Variants in MYH9 observed in about 807,000 individuals in gnomAD.
MYH9 encodes myosin-9.
Under a neutral mutation model 241.9 loss-of-function variants are expected in MYH9, and 29 were observed. That is an observed-to-expected ratio of 0.12 (90% confidence interval 0.09 to 0.16). The LOEUF (loss-of-function observed/expected upper bound fraction) is 0.16, where lower values mean the gene tolerates loss of function less well. Ranked by LOEUF, MYH9 falls within the 10% of genes least tolerant of loss-of-function variation. MYH9 has a pLI of 1.00. For missense variants in MYH9, 1,803 were observed against 2,595.5 expected (o/e 0.69, Z 6.63); for synonymous variants, 1,047 against 1,062.6 (o/e 0.99, Z 0.29).
In MYH9 at chr22:36,296,998, C is replaced by A; in HGVS notation, c.3117G>T (p.Glu1039Asp). 6.2e-7 allele frequency: 1 copy of A among 1,614,100 alleles called. No homozygotes were observed. The highest frequency in any genetic ancestry group is 8.5e-7 in the Non-Finnish European group (1 of 1,180,036). Reference protein sequence around the residue: ...ITDLEERLRREEKQRQELEKT... With the variant: ...ITDLEERLRRDEKQRQELEKT... ...TCTCCAGCTCCTGTCGCTGCTTCTC[C>A]TCCCTGCGGAGGCGCTCTGCAATGC... The change falls in exon 25 of 41, where the codon GAG (glutamate) becomes GAT (aspartate). Residue 1039 changes from glutamate to aspartate, a missense_variant. Coordinates refer to ENST00000216181, the MANE Select transcript of MYH9 (RefSeq NM_002473.6).
chr22:36,297,298 G>C (rs2016803896), intron 24 of MYH9: 1 of 476,506 alleles, frequency 2.1e-6, no homozygotes, highest in Non-Finnish European at 3.8e-6. Flanking sequence ...TCCCTTGAAG[G>C]CTGTACCATG....
At chr22:36,312,287 A>C in intron 13 of MYH9, 65 bp from the exon 14 acceptor site, 1 of 1,566,476 alleles carries the variant, frequency 6.4e-7, no homozygotes, top group South Asian at 1.1e-5. Context: ...CCCTTCAAGA[A>C]GCCAAAGCCC....
chr22:36,320,403 T>C lies in MYH9; in HGVS notation c.869-40A>G. On this transcript the variant is annotated intron_variant, in intron 8 of 40. Coordinates refer to ENST00000216181, the MANE Select transcript of MYH9 (RefSeq NM_002473.6). The surrounding 1 kb of genome is among the most constrained non-coding windows in gnomAD (Gnocchi z 4.8). ...GGGCAAGGGCGCCTCAGCGAGGTGC[T>C]GAAAGTGGAGGCTCCATCAGCGCTG... The C allele has an allele frequency of 6.2e-7, 1 of 1,607,926 alleles. No homozygotes were observed. The highest frequency in any genetic ancestry group is 8.5e-7 in the Non-Finnish European group (1 of 1,179,826).
Position 36,285,810 on chromosome 22 carries a change from C to T in MYH9, c.5151-29G>A, listed in dbSNP as rs2016570050. The T allele has an allele frequency of 1.2e-6, 2 of 1,612,356 alleles. No homozygotes were observed. The highest frequency in any genetic ancestry group is 2.7e-5 in the African/African-American group (2 of 74,900). ...CGGGGTGGGCGGGAGAAGTGAGGGG[C>T]CTACCCTGGGGACACACCTGGTCCC... On this transcript the variant is annotated intron_variant, in intron 36 of 40. Transcript: ENST00000216181. The surrounding 1 kb of genome is among the most constrained non-coding windows in gnomAD (Gnocchi z 7.0).
chr22:36,313,640 T>C (rs141023027), intron 13 of MYH9, among the ~76,000 whole-genome samples: 181 of 140,390 alleles, frequency 1.3e-3, no homozygotes, highest in African/African-American at 3.9e-3. Flanking sequence ...ATGCTGGCGA[T>C]AAAAGCACTG....
At chr22:36,282,987 CA>C (rs1296866681) in intron 40 of MYH9, among the ~76,000 whole-genome samples, 1 of 152,172 alleles carries the variant, frequency 6.6e-6, no homozygotes, top group Non-Finnish European at 1.5e-5. Flanking sequence ...AAGCTTCCCG[CA>C]AAATGTTTAG....
chr22:36,326,734 C>A lies in MYH9; in HGVS notation c.519-73G>T, dbSNP rs149872920. 10 of 1,263,196 alleles carry A rather than the reference C, an allele frequency of 7.9e-6. No individual in the cohort carries two copies. The South Asian group carries it at 1.2e-4, about 15-fold the overall frequency. 78.2% of individuals were successfully genotyped at this position (1,263,196 alleles called of 1,614,324 possible). ...TTGACCTCTGTCCCTTCCCACTGCA[C>A]GCTCCACTGCCTCGCATTCTGTTGG... is the stretch of plus-strand genomic sequence containing the variant. On this transcript the variant is annotated intron_variant, in intron 4 of 40. Coordinates refer to ENST00000216181, the MANE Select transcript of MYH9 (RefSeq NM_002473.6).
In MYH9 at chr22:36,296,946, A is replaced by C; in HGVS notation, c.3169T>G (p.Ser1057Ala). ...GCGATCTGGTCGCTGAGGTCTGTGG[A>C]GTCTCCCTCCAGCTTCCGGCGGGTC... ...EKTRRKLEGD[S>A]TDLSDQIAEL... Residue 1057 changes from serine to alanine, a missense_variant, in exon 25 of 41, where the codon TCC (serine) becomes GCC (alanine). Ser to Ala is a moderately conservative substitution (Grantham distance 99). Around this residue, in one of 11 missense-constraint regions of MYH9, gnomAD observed 290 missense variants for 360.5 expected, o/e 0.80. Transcript: ENST00000216181. 1 of 1,614,062 alleles carries C rather than the reference A, an allele frequency of 6.2e-7. No homozygotes were observed. The highest frequency in any genetic ancestry group is 8.5e-7 in the Non-Finnish European group (1 of 1,179,998).
rs774335633 is a variant in MYH9 at position 36,309,407 on chromosome 22, C to T, written c.1729-11G>A. On this transcript the variant is annotated splice_polypyrimidine_tract_variant and intron_variant, in intron 14 of 40. Coordinates refer to ENST00000216181, the MANE Select transcript of MYH9 (RefSeq NM_002473.6). ...AGCTTTGTAATCCACCTGGCGGGGTCAGAGAGGCAGGAGTCACAAGCTGCG... is the reference window on the plus strand; with the variant it reads ...AGCTTTGTAATCCACCTGGCGGGGTTAGAGAGGCAGGAGTCACAAGCTGCG... 2.7e-5 allele frequency: 43 copies of T among 1,607,424 alleles called. No individual in the cohort carries two copies. In the South Asian group the frequency reaches 4.6e-4, roughly 17 times the overall value.
At position 36,341,247 on chromosome 22, in the gene MYH9, T is replaced by C. The variant is rs537367681; in HGVS notation, c.490+123A>G. The C allele has an allele frequency of 5.6e-5, 70 of 1,239,658 alleles. 1 individual carries two copies. The African/African-American group carries it at 9.6e-4, about 17-fold the overall frequency. The allele number at this position is 1,239,658 out of a possible 1,614,324, so 76.8% of individuals were successfully genotyped here. ...TACAGAGGTCTACAGACCTCCATGA[T>C]GCACTGCCCATCACCAGCCACTAGA... On this transcript the variant is annotated intron_variant, in intron 3 of 40. Transcript: ENST00000216181.
At chr22:36,317,682 G>C (rs1296800929) in intron 11 of MYH9, among the ~76,000 whole-genome samples, 1 of 152,232 alleles carries the variant, frequency 6.6e-6, no homozygotes, top group African/African-American at 2.4e-5. Flanking sequence ...GCAGAAAGCG[G>C]TCCGCACTGG....
Position 36,332,661 on chromosome 22 carries a change from TAAAAAAAAAAA to T in MYH9, c.491-5184_491-5174del, listed in dbSNP as rs67602880. Reference sequence around the variant, plus strand: ...TCCCCCTCCAGACACTCTGGATAATTAAAAAAAAAAAAAAAAAAAAAAAAAAAAACCTCAAG... The same window carrying T: ...TCCCCCTCCAGACACTCTGGATAATTAAAAAAAAAAAAAAAAAACCTCAAG... On this transcript the variant is annotated intron_variant, in intron 3 of 40. Coordinates refer to ENST00000216181, the MANE Select transcript of MYH9 (RefSeq NM_002473.6). Among the ~76,000 whole-genome samples, 21 of 44,510 alleles carry T rather than the reference TAAAAAAAAAAA, an allele frequency of 4.7e-4. 1 individual carries two copies. The highest frequency in any genetic ancestry group is 0.062 in the Middle Eastern group (2 of 32). 29.2% of individuals were successfully genotyped at this position (44,510 alleles called of 152,430 possible).
At position 36,384,562 on chromosome 22, in the gene MYH9, G is replaced by A. The variant is rs567886691; in HGVS notation, c.-20+3245C>T. ...CACGCCATTGCACTCTAGCCTGGGC[G>A]ACAGAGCAAGACTCTGTCTCAAAAA... is the stretch of plus-strand genomic sequence containing the variant. On this transcript the variant is annotated intron_variant, in intron 1 of 40. Transcript: ENST00000216181. Among the ~76,000 whole-genome samples, 27 of 100,928 alleles carry A rather than the reference G, an allele frequency of 2.7e-4. No homozygotes were observed. In the South Asian group the frequency reaches 7.6e-3, roughly 28 times the overall value. 66.2% of individuals were successfully genotyped at this position (100,928 alleles called of 152,430 possible).
chr22:36,283,406 G>C (rs1182313812), intron 40 of MYH9, among the ~76,000 whole-genome samples: 1 of 151,862 alleles, frequency 6.6e-6, no homozygotes, highest in East Asian at 1.9e-4. Context: ...GCATAGTGGT[G>C]CATGCCTGTA....
At chr22:36,358,794 CAAATTCA>C (rs2017894573) in intron 1 of MYH9, among the ~76,000 whole-genome samples, 1 of 152,212 alleles carries the variant, frequency 6.6e-6, no homozygotes, top group South Asian at 2.1e-4. Context: ...TGATGACTCA[CAAATTCA>C]AATTCCTATT....
At chr22:36,284,008 C>T (rs1055459508) in intron 40 of MYH9, 85 bp downstream of exon 40, 2 of 1,531,436 alleles carry the variant, frequency 1.3e-6, no homozygotes, top group Admixed American at 1.7e-5. Context: ...GACATTCGTG[C>T]CTTGCTTGTG....
intron 2 of MYH9, among the ~76,000 whole-genome samples, chr22:36,342,536 C>T (rs942025703): frequency 4.6e-5 from 7 of 152,056 alleles, no homozygotes; most frequent in African/African-American, 1.2e-4. Context: ...TGACTACCTC[C>T]GTGTCTTCAG....
At chr22:36,292,847 C>A (rs2016728476) in intron 30 of MYH9, among the ~76,000 whole-genome samples, 2 of 152,224 alleles carry the variant, frequency 1.3e-5, no homozygotes, top group Non-Finnish European at 2.9e-5. Context: ...ATCAGCAGGG[C>A]AACCAGTACA....
chr22:36,287,796 A>G (rs2016613255), intron 34 of MYH9, among the ~76,000 whole-genome samples: 2 of 152,240 alleles, frequency 1.3e-5, no homozygotes, highest in Non-Finnish European at 2.9e-5. Flanking sequence ...GTTACATGAT[A>G]TGGCGTATCA....
Sources: gnomAD v4.1 joint callset for allele counts (sites outside exome capture counted in the v4.1 genomes callset) on GRCh38, gnomAD v4.1.1 for gene constraint, gnomAD v4.1.1 regional missense constraint, Gnocchi (gnomAD v3.1) non-coding constraint, MANE v1.5 for transcripts, NCBI Gene and HGNC (gene_info 2026-07-23, HGNC 2026-07-21) for gene names.